The following CCSER1 variants were observed in gnomAD, a reference collection of about 807,000 sequenced individuals.
The protein encoded by CCSER1 is serine-rich coiled-coil domain-containing protein 1.
A neutral mutation model predicts 82.0 loss-of-function variants in CCSER1; 41 were observed. The ratio of observed to expected loss-of-function variants is 0.50; its 90% CI spans 0.39 to 0.65. CCSER1 has a LOEUF of 0.65. Ranked by LOEUF, CCSER1 falls within the 30% of genes least tolerant of loss-of-function variation. The pLI, the probability that CCSER1 is intolerant of heterozygous loss-of-function variation, is 0.00. For synonymous variants in CCSER1, 414 were observed against 383.9 expected, an observed-to-expected ratio of 1.08 and a Z score of -0.92; for missense variants, 1,119 against 1,064.2, an observed-to-expected ratio of 1.05 and a Z score of -0.72.
At chr4:91,129,387 TAGAA>T (rs1400577441) in intron 10 of CCSER1, among the ~76,000 whole-genome samples, 1 of 151,974 alleles carries the variant, frequency 6.6e-6, no homozygotes, top group Non-Finnish European at 1.5e-5. Flanking sequence ...AGGGTTGTGT[TAGAA>T]AGAAGTTGGG....
chr4:90,417,769 G>A lies in CCSER1; in HGVS notation c.1603+17640G>A, dbSNP rs1756037213. Among the ~76,000 whole-genome samples the A allele has an allele frequency of 2.0e-5, 3 of 152,190 alleles. No individual in the cohort carries two copies. The South Asian group carries it at 6.2e-4, about 32-fold the overall frequency. On this transcript the variant is annotated intron_variant, in intron 4 of 10. Transcript: ENST00000509176. ...ACTCCTCCTGTGCCTATTAATTAGG[G>A]AGATAATTTTTGTTATTAATTTTTA...
At chr4:90,337,242 GTCTTC>G in intron 3 of CCSER1, among the ~76,000 whole-genome samples, 1 of 152,206 alleles carries the variant, frequency 6.6e-6, no homozygotes, top group Non-Finnish European at 1.5e-5. Context: ...ACTGAGATGA[GTCTTC>G]ATATTTGCTC....
chr4:91,521,323 A>T (rs529623393), intron 10 of CCSER1, among the ~76,000 whole-genome samples: 29 of 152,360 alleles, frequency 1.9e-4, no homozygotes, highest in African/African-American at 7.0e-4. Flanking sequence ...TATTGTGAAT[A>T]GTGCCGCAAT....
At chr4:90,885,581 C>T (rs1722004096) in intron 8 of CCSER1, among the ~76,000 whole-genome samples, 1 of 151,984 alleles carries the variant, frequency 6.6e-6, no homozygotes, top group Non-Finnish European at 1.5e-5. Context: ...AGAGAATATT[C>T]TTCTGAGATA....
intron 10 of CCSER1, among the ~76,000 whole-genome samples, chr4:91,123,799 T>G (rs1333334850): frequency 6.6e-6 from 1 of 151,778 alleles, no homozygotes; most frequent in Non-Finnish European, 1.5e-5. Context: ...AAAGAATAAT[T>G]TTTTTCTGTA....
intron 9 of CCSER1, among the ~76,000 whole-genome samples, chr4:91,075,606 C>A (rs1310492311): frequency 2.0e-5 from 3 of 152,028 alleles, no homozygotes; most frequent in Non-Finnish European, 4.4e-5. Flanking sequence ...AAGAGTCAGA[C>A]AAATTGTCTC....
chr4:90,853,067 A>G (rs1455670100), intron 8 of CCSER1, among the ~76,000 whole-genome samples: 7 of 152,082 alleles, frequency 4.6e-5, no homozygotes. Flanking sequence ...GTTTAAATAT[A>G]TATAGTATCA....
At chr4:91,168,106 CGTCTGGG>C (rs1732317638) in intron 10 of CCSER1, among the ~76,000 whole-genome samples, 1 of 149,258 alleles carries the variant, frequency 6.7e-6, no homozygotes, top group South Asian at 2.1e-4. Context: ...CCAGCCCCCC[CGTCTGGG>C]AGGTGAGGAA....
chr4:90,775,890 A>C (rs371038609), intron 7 of CCSER1, among the ~76,000 whole-genome samples: 1 of 151,618 alleles, frequency 6.6e-6, no homozygotes, highest in East Asian at 1.9e-4. Context: ...CCCAATCTAG[A>C]ATCAACTATC....
intron 6 of CCSER1, among the ~76,000 whole-genome samples, chr4:90,675,102 A>G (rs1282366074): frequency 2.0e-5 from 3 of 151,886 alleles, no homozygotes; most frequent in African/African-American, 7.2e-5. Context: ...ATCCTTTCTC[A>G]TTTCATTTTC....
intron 10 of CCSER1, among the ~76,000 whole-genome samples, chr4:91,279,283 T>A (rs1198581797): frequency 6.6e-6 from 1 of 152,164 alleles, no homozygotes; most frequent in African/African-American, 2.4e-5. Flanking sequence ...TGTCTCAATC[T>A]CTTGCTAGAG....
chr4:91,569,852 C>T (rs1317171327), intron 10 of CCSER1, among the ~76,000 whole-genome samples: 2 of 152,148 alleles, frequency 1.3e-5, no homozygotes, highest in Non-Finnish European at 1.5e-5. Context: ...GCCTTTCTAA[C>T]AGTTCCCTGC....
At chr4:91,150,831 T>G (rs1581653820) in intron 10 of CCSER1, among the ~76,000 whole-genome samples, 1 of 152,326 alleles carries the variant, frequency 6.6e-6, no homozygotes, top group South Asian at 2.1e-4. Context: ...CACTTGATCA[T>G]GGTGGATAAG....
intron 10 of CCSER1, among the ~76,000 whole-genome samples, chr4:91,253,753 A>G (rs960638759): frequency 6.6e-6 from 1 of 152,216 alleles, no homozygotes; most frequent in Non-Finnish European, 1.5e-5. Flanking sequence ...TATAGGAAGC[A>G]TAGCAGCTTC....
chr4:90,895,837 A>G (rs1723631050), intron 8 of CCSER1, among the ~76,000 whole-genome samples: 1 of 151,910 alleles, frequency 6.6e-6, no homozygotes, highest in Non-Finnish European at 1.5e-5. Context: ...ACCATGAAGA[A>G]CCAAATGAAT....
intron 8 of CCSER1, chr4:90,918,380 A>T: frequency 2.5e-6 from 1 of 400,772 alleles, no homozygotes; most frequent in Non-Finnish European, 4.9e-6. Flanking sequence ...GGGATTATTG[A>T]GTATTTTTAT....
rs1355273125 is a variant in CCSER1, at chr4:90,330,905, T to C, written c.1509+17858T>C. 1.3e-5 allele frequency among the ~76,000 whole-genome samples: 2 copies of C among 152,160 alleles called. 1 individual carries two copies. The highest frequency in any genetic ancestry group is 1.3e-4 in the Admixed American group (2 of 15,282). On this transcript the variant is annotated intron_variant, in intron 3 of 10. Transcript: ENST00000509176. ...TTGAACATAAAAGATGCTTGAATCT[T>C]CAGCTTTTCATGATTCTCTGCTTGT... is the stretch of plus-strand genomic sequence containing the variant.
At chr4:90,407,917 A>G (rs778860573) in intron 4 of CCSER1, among the ~76,000 whole-genome samples, 5 of 152,170 alleles carry the variant, frequency 3.3e-5, no homozygotes, top group Non-Finnish European at 7.3e-5. Flanking sequence ...GCATCTGGAA[A>G]ATCGGGTCAC....
At chr4:91,591,947 A>T (rs1422050782) in intron 10 of CCSER1, among the ~76,000 whole-genome samples, 1 of 152,118 alleles carries the variant, frequency 6.6e-6, no homozygotes, top group Admixed American at 6.6e-5. Flanking sequence ...GTTTTGAAAG[A>T]TCTGTTAAAT....
Sources: gnomAD v4.1 joint callset for allele counts (sites outside exome capture counted in the v4.1 genomes callset) on GRCh38, gnomAD v4.1.1 for gene constraint, MANE v1.5 for transcripts, NCBI Gene and HGNC (gene_info 2026-07-23, HGNC 2026-07-21) for gene names.